MAT2B: variants seen among roughly 807,000 people sequenced by gnomAD.
The protein encoded by MAT2B is methionine adenosyltransferase 2 non-catalytic beta subunit, also known as methionine adenosyltransferase 2 subunit beta.
Under a neutral mutation model 36.1 loss-of-function variants are expected in MAT2B, and 16 were observed. The ratio of observed to expected loss-of-function variants is 0.44; its 90% confidence interval spans 0.30 to 0.67. The LOEUF (loss-of-function observed/expected upper bound fraction) is 0.67. Among genes scored for constraint, MAT2B ranks in the 30% least tolerant of loss-of-function variants. MAT2B has a pLI of 0.09. For synonymous variants in MAT2B, 148 were observed against 136.9 expected, an observed-to-expected ratio of 1.08 and a Z score of -0.57; for missense variants, 332 against 398.2, an observed-to-expected ratio of 0.83 and a Z score of 1.42.
rs1351454688 is a variant in MAT2B at position 163,512,421 on chromosome 5, TG to T, written c.258+226del. 9 of 563,526 alleles carry T rather than the reference TG, an allele frequency of 1.6e-5. No homozygotes were observed. In the African/African-American group the frequency reaches 1.7e-4, roughly 11 times the overall value. 34.9% of individuals were successfully genotyped at this position (563,526 alleles called of 1,614,324 possible). On this transcript the variant is annotated intron_variant, in intron 2 of 6. Coordinates refer to ENST00000321757, the MANE Select transcript of MAT2B (RefSeq NM_013283.5). ...TATGAGACATTTTATAAAATGCTTATGTTTATAGAGTGCCTTCTAAGTAATA... is the reference window on the plus strand; with the variant it reads ...TATGAGACATTTTATAAAATGCTTATTTTATAGAGTGCCTTCTAAGTAATA...
chr5:163,514,351 A>G (rs565811856), intron 4 of MAT2B, among the ~76,000 whole-genome samples: 1 of 152,194 alleles, frequency 6.6e-6, no homozygotes, highest in East Asian at 1.9e-4. Flanking sequence ...ATGTGTATGT[A>G]TTTTGTTTTT....
chr5:163,509,692 C>T (rs892130811), intron 1 of MAT2B, among the ~76,000 whole-genome samples: 3 of 152,152 alleles, frequency 2.0e-5, no homozygotes, highest in Admixed American at 6.5e-5. Flanking sequence ...CGTATTTATC[C>T]TGTGTAAATT....
At chr5:163,506,790 T>C (rs1561655226) in intron 1 of MAT2B, among the ~76,000 whole-genome samples, 1 of 101,850 alleles carries the variant, frequency 9.8e-6, no homozygotes, top group Non-Finnish European at 2.5e-5. Context: ...TAAAGCTTAA[T>C]CTACTTTCAC....
chr5:163,504,732 G>C (rs1221887178), upstream of MAT2B, among the ~76,000 whole-genome samples: 4 of 152,168 alleles, frequency 2.6e-5, no homozygotes, highest in Admixed American at 6.6e-5. Context: ...TTTTTAACTG[G>C]AAGGGAAATA....
At chr5:163,506,800 C>T (rs1307768047) in intron 1 of MAT2B, among the ~76,000 whole-genome samples, 1 of 89,570 alleles carries the variant, frequency 1.1e-5, no homozygotes, top group Non-Finnish European at 3.0e-5. Flanking sequence ...TCTACTTTCA[C>T]AAAAAGAAGT....
At chr5:163,516,458 T>C in intron 4 of MAT2B, 60 bp from the exon 5 acceptor site, 1 of 1,389,610 alleles carries the variant, frequency 7.2e-7, no homozygotes, top group Non-Finnish European at 1.0e-6. Flanking sequence ...CACCCTTGTA[T>C]CTTACATCAA....
chr5:163,512,308 T>A, intron 2 of MAT2B, 112 bp downstream of exon 2: 1 of 968,988 alleles, frequency 1.0e-6, no homozygotes, highest in Non-Finnish European at 1.6e-6. Context: ...GCTCTAAAGT[T>A]GTATTATGCA....
At chr5:163,504,559 C>G (rs1484007767), upstream of MAT2B, among the ~76,000 whole-genome samples, 2 of 152,210 alleles carry the variant, frequency 1.3e-5, no homozygotes, top group Non-Finnish European at 2.9e-5. Flanking sequence ...AAAATCCAGA[C>G]AGTGGTCACG....
chr5:163,508,481 G>T (rs1157376903), intron 1 of MAT2B, among the ~76,000 whole-genome samples: 3 of 151,966 alleles, frequency 2.0e-5, no homozygotes, highest in Non-Finnish European at 4.4e-5. Context: ...CAAGTGGTTG[G>T]TCCACCTTGG....
chr5:163,516,416 C>G (rs1760133921), intron 4 of MAT2B, 102 bp from the exon 5 acceptor site: 4 of 903,402 alleles, frequency 4.4e-6, no homozygotes, highest in Middle Eastern at 2.8e-4. Context: ...AATTAAAAGG[C>G]AAGGTTTCTA....
upstream of MAT2B, chr5:163,503,412 G>A (rs746875232): frequency 3.1e-6 from 5 of 1,613,982 alleles, no homozygotes; most frequent in Non-Finnish European, 8.5e-7. Flanking sequence ...AAATGCCAGA[G>A]GACATGGAGC....
At chr5:163,517,081 CAAAG>C (rs943526493) in intron 5 of MAT2B, 146 of 318,914 alleles carry the variant, frequency 4.6e-4, no homozygotes, top group African/African-American at 2.6e-3. Flanking sequence ...AATATCCATA[CAAAG>C]AAAGATGAGA....
chr5:163,517,670 G>C lies in MAT2B; in HGVS notation c.830G>C (p.Arg277Thr), dbSNP rs1581216123. The stretch of plus-strand genomic sequence containing the variant: ...TTCAACCTCCCCAGCAGTCACTTAA[G>C]ACCTGTAAGTACATGGCTGTAAAAA... Reference protein sequence around the residue: ...DAFNLPSSHLRPITDSPVLGA... With the variant: ...DAFNLPSSHLTPITDSPVLGA... The change falls in exon 6 of 7, where the codon AGA (arginine) becomes ACA (threonine). Residue 277 changes from arginine to threonine, a missense_variant. By Grantham distance (71) the Arg-to-Thr change is moderately conservative (BLOSUM62 -1). Coordinates refer to ENST00000321757, the MANE Select transcript of MAT2B (RefSeq NM_013283.5). 1 of 1,600,510 alleles carries C rather than the reference G, an allele frequency of 6.2e-7. No homozygotes were observed.
Position 163,518,281 on chromosome 5 carries a change from G to A in MAT2B, c.923G>A (p.Arg308Gln), listed in dbSNP as rs746851544. The A allele has an allele frequency of 4.3e-6, 7 of 1,613,750 alleles. No homozygotes were observed. Among genetic ancestry groups the A allele is most frequent in the African/African-American group, 4.0e-5 (3 of 74,862 alleles). Residue 308 changes from arginine (R) to glutamine (Q), a missense_variant, in exon 7 of 7, where the codon CGA (arginine) becomes CAA (glutamine). By Grantham distance (43) the Arg-to-Gln change is conservative. Transcript: ENST00000321757. The stretch of plus-strand genomic sequence containing the variant: ...TTGGAGACCTTGGGCATTGGCCAAC[G>A]AACACCATTTCGAATTGGAATCAAA... Reference protein sequence around the residue: ...SKLETLGIGQRTPFRIGIKES... With the variant: ...SKLETLGIGQQTPFRIGIKES...
At chr5:163,505,220 C>T (rs1759907357), upstream of MAT2B, among the ~76,000 whole-genome samples, 3 of 151,766 alleles carry the variant, frequency 2.0e-5, no homozygotes, top group Admixed American at 1.3e-4. Context: ...CTACCCACCT[C>T]CGCCCCCGCC....
intron 6 of MAT2B, 48 bp downstream of exon 6, chr5:163,517,722 A>G (rs62394929): frequency 2.4e-5 from 28 of 1,153,534 alleles, no homozygotes; most frequent in African/African-American, 7.6e-5. Flanking sequence ...TATGGTATAT[A>G]TTATTGCTGT....
intron 4 of MAT2B, 84 bp from the exon 5 acceptor site, chr5:163,516,427 CTTTGATA>C: frequency 9.8e-7 from 1 of 1,020,298 alleles, no homozygotes; most frequent in Non-Finnish European, 1.5e-6. Context: ...AAGGTTTCTA[CTTTGATA>C]TTATTTAAAT....
intron 2 of MAT2B, 169 bp from the exon 3 acceptor site, chr5:163,513,386 C>T (rs571207156): frequency 4.0e-5 from 21 of 527,490 alleles, no homozygotes; most frequent in Middle Eastern, 4.8e-4. Flanking sequence ...TTGAACCTTG[C>T]GGGGAAAAGA....
At chr5:163,513,251 A>G (rs2113557837) in intron 2 of MAT2B, 1 of 218,386 alleles carries the variant, frequency 4.6e-6, no homozygotes, top group Non-Finnish European at 9.2e-6. Flanking sequence ...CAGCCTCCCA[A>G]AGTGTTGGGA....
Sources: gnomAD v4.1 joint callset for allele counts (sites outside exome capture counted in the v4.1 genomes callset) on GRCh38, gnomAD v4.1.1 for gene constraint, MANE v1.5 for transcripts, NCBI Gene and HGNC (gene_info 2026-07-23, HGNC 2026-07-21) for gene names.